The following PCDH15 variants were observed in gnomAD, a reference collection of about 807,000 sequenced individuals.
PCDH15 encodes the protein protocadherin related 15.
In PCDH15, 129 loss-of-function variants were observed where a neutral mutation model predicts 178.5. That is an observed-to-expected ratio of 0.72 (90% confidence interval 0.63 to 0.84). PCDH15 has a LOEUF of 0.84. Ranked by LOEUF, PCDH15 falls within the 40% of genes least tolerant of loss-of-function variation. The probability of loss-of-function intolerance (pLI) is 0.00; values close to 1 mark genes in which losing one functional copy is unlikely to be tolerated. For synonymous variants in PCDH15, 800 were observed against 732.0 expected (o/e 1.09, Z -1.50); for missense variants, 2,230 against 2,099.9 (o/e 1.06, Z -1.21).
At chr10:54,637,490 C>T (rs1468605005) in intron 2 of PCDH15, among the ~76,000 whole-genome samples, 1 of 152,008 alleles carries the variant, frequency 6.6e-6, no homozygotes, top group East Asian at 1.9e-4. Context: ...GGTTCTTCTT[C>T]AATTTTATCA....
chr10:54,994,841 A>G (rs961326531), intron 2 of PCDH15, among the ~76,000 whole-genome samples: 3 of 152,168 alleles, frequency 2.0e-5, no homozygotes, highest in African/African-American at 7.2e-5. Flanking sequence ...GCCTTTCTAG[A>G]TCTTTACTTT....
chr10:55,248,146 C>A (rs575977205), intron 1 of PCDH15, among the ~76,000 whole-genome samples: 68 of 151,382 alleles, frequency 4.5e-4, no homozygotes, highest in Non-Finnish European at 6.9e-4. Context: ...TGAAATCTGT[C>A]CATTTTTTAC....
intron 2 of PCDH15, among the ~76,000 whole-genome samples, chr10:55,609,113 A>G (rs1346865701): frequency 2.6e-5 from 4 of 152,002 alleles, no homozygotes; most frequent in Non-Finnish European, 2.9e-5. Context: ...CCCTTGCTAA[A>G]TGTTTCACTA....
At chr10:54,538,524 T>C (rs770860068) in intron 2 of PCDH15, among the ~76,000 whole-genome samples, 1 of 152,166 alleles carries the variant, frequency 6.6e-6, no homozygotes, top group African/African-American at 2.4e-5. Context: ...CCTTAGAGTA[T>C]AGTTTGAAAA....
rs201611348 is a variant in PCDH15 at position 54,535,309 on chromosome 10, TAA to T, written c.92-7434_92-7433del. Among the ~76,000 whole-genome samples the T allele has an allele frequency of 1.6e-4, 25 of 152,048 alleles. No individual in the cohort carries two copies. In the East Asian group the frequency reaches 4.1e-3, roughly 25 times the overall value. On this transcript the variant is annotated intron_variant, in intron 2 of 37. Transcript: ENST00000644397. ...CCATAGCTACCTCAATCTGTACTTT[TAA>T]AAAAAACAATTTCTTATTATTTTAT...
intron 2 of PCDH15, among the ~76,000 whole-genome samples, chr10:55,332,721 G>A (rs1255362896): frequency 3.3e-5 from 5 of 152,128 alleles, no homozygotes; most frequent in African/African-American, 9.7e-5. Context: ...TATTGAATAA[G>A]TGTCAAAAGA....
At chr10:54,181,717 C>A in intron 13 of PCDH15, among the ~76,000 whole-genome samples, 1 of 152,072 alleles carries the variant, frequency 6.6e-6, no homozygotes, top group East Asian at 1.9e-4. Flanking sequence ...ATTAATGTGA[C>A]AAGTACCATA....
rs1311369874 is a variant in PCDH15, at chr10:53,973,163, C to T, written c.2869-11271G>A. Among the ~76,000 whole-genome samples the T allele has an allele frequency of 3.3e-5, 5 of 151,894 alleles. No individual in the cohort carries two copies. The East Asian group carries it at 9.7e-4, about 30-fold the overall frequency. ...GTAGGGACATGGATGAAGCTGGAAA[C>T]CATCATTCTGAGCAAAGTATTGCAA... is the stretch of plus-strand genomic sequence containing the variant. On this transcript the variant is annotated intron_variant, in intron 21 of 37. Coordinates refer to ENST00000644397, the MANE Select transcript of PCDH15 (RefSeq NM_001384140.1).
rs527664304 is a variant in PCDH15, at chr10:55,301,185, T to C, written c.-156+18414A>G. 2.8e-4 allele frequency among the ~76,000 whole-genome samples: 43 copies of C among 152,300 alleles called. No homozygotes were observed. The South Asian group carries it at 8.7e-3, about 31-fold the overall frequency. On this transcript the variant is annotated intron_variant, in intron 1 of 5. Coordinates refer to the PCDH15 transcript ENST00000458638. ...TAATTTGGCAACAAACTGTTCAAAG[T>C]GTTTTCCAAGTTGGTAATGCAATTT...
At chr10:54,612,029 G>T (rs115976496) in intron 2 of PCDH15, among the ~76,000 whole-genome samples, 1 of 151,724 alleles carries the variant, frequency 6.6e-6, no homozygotes, top group Non-Finnish European at 1.5e-5. Context: ...GTTAAATTTC[G>T]TTTCTTAAGG....
chr10:54,476,274 C>T (rs1029775016), intron 3 of PCDH15, among the ~76,000 whole-genome samples: 1 of 151,820 alleles, frequency 6.6e-6, no homozygotes, highest in Non-Finnish European at 1.5e-5. Context: ...CCTCATGCTG[C>T]CTGATGTTGC....
chr10:55,417,741 G>A (rs1227489439), intron 2 of PCDH15, among the ~76,000 whole-genome samples: 2 of 150,750 alleles, frequency 1.3e-5, no homozygotes, highest in Non-Finnish European at 3.0e-5. Flanking sequence ...CTTACTTGAG[G>A]ATATATTCCA....
chr10:54,485,757 C>T (rs1357565131), intron 3 of PCDH15, among the ~76,000 whole-genome samples: 1 of 151,988 alleles, frequency 6.6e-6, no homozygotes, highest in Non-Finnish European at 1.5e-5. Context: ...CAGGGAGCAT[C>T]CATATGCGTG....
chr10:54,361,059 A>C (rs902948832), intron 5 of PCDH15, among the ~76,000 whole-genome samples: 4 of 152,252 alleles, frequency 2.6e-5, no homozygotes, highest in African/African-American at 9.6e-5. Flanking sequence ...ATTCCATAAA[A>C]GAAGGTGGTA....
At chr10:55,270,463 A>G (rs1393044327) in intron 1 of PCDH15, among the ~76,000 whole-genome samples, 2 of 151,928 alleles carry the variant, frequency 1.3e-5, no homozygotes, top group East Asian at 1.9e-4. Flanking sequence ...AAATAACTCC[A>G]TTTAAAAAAT....
At chr10:54,110,042 G>A (rs1238079212) in intron 15 of PCDH15, among the ~76,000 whole-genome samples, 1 of 151,926 alleles carries the variant, frequency 6.6e-6, no homozygotes, top group Non-Finnish European at 1.5e-5. Context: ...AATAGTTTGG[G>A]GTATGGTATT....
At chr10:54,722,072 C>T (rs1229108379) in intron 1 of PCDH15, among the ~76,000 whole-genome samples, 1 of 151,638 alleles carries the variant, frequency 6.6e-6, no homozygotes, top group Non-Finnish European at 1.5e-5. Context: ...ATACGGTAAT[C>T]AATAAATACG....
intron 2 of PCDH15, among the ~76,000 whole-genome samples, chr10:54,646,443 T>C (rs1022169170): frequency 2.6e-5 from 4 of 152,126 alleles, no homozygotes; most frequent in Admixed American, 1.3e-4. Flanking sequence ...AACTGTCATA[T>C]GGTAAATTTA....
chr10:54,604,239 A>C (rs2092656162), intron 2 of PCDH15, among the ~76,000 whole-genome samples: 1 of 151,986 alleles, frequency 6.6e-6, no homozygotes, highest in Non-Finnish European at 1.5e-5. Flanking sequence ...CTTGAAAAGA[A>C]TGTACAATCT....
Sources: gnomAD v4.1 joint callset for allele counts (sites outside exome capture counted in the v4.1 genomes callset) on GRCh38, gnomAD v4.1.1 for gene constraint, MANE v1.5 for transcripts, NCBI Gene and HGNC (gene_info 2026-07-23, HGNC 2026-07-21) for gene names.